Variants in NCS1 observed in about 807,000 individuals in gnomAD.
NCS1 encodes frequenin homolog.
A neutral mutation model predicts 28.4 loss-of-function variants in NCS1; 6 were observed. That is an observed-to-expected ratio of 0.21 (90% CI 0.12 to 0.42). The LOEUF is 0.42. NCS1 is among the 10% of genes least tolerant of loss of function. NCS1 has a pLI of 1.00. For synonymous variants in NCS1, 86 were observed against 99.3 expected, an observed-to-expected ratio of 0.87 and a Z score of 0.79; for missense variants, 131 against 241.4, an observed-to-expected ratio of 0.54 and a Z score of 3.03.
rs533972836 is a variant in NCS1 at position 130,179,055 on chromosome 9, C to T, written c.64+6328C>T. Among the ~76,000 whole-genome samples the T allele has an allele frequency of 2.6e-4, 39 of 151,158 alleles. No individual in the cohort carries two copies. In the South Asian group the frequency reaches 8.3e-3, roughly 32 times the overall value. ...GTTCAAGCAAATCTCCTGTCTCAGC[C>T]TCCCGAGTAGGGGATTACAGGCATC... On this transcript the variant is annotated intron_variant, in intron 1 of 7. Transcript: ENST00000372398.
intron 2 of NCS1, among the ~76,000 whole-genome samples, chr9:130,202,512 C>A (rs894960832): frequency 4.6e-5 from 7 of 151,912 alleles, no homozygotes; most frequent in Non-Finnish European, 1.0e-4. Context: ...CATGTTGTGT[C>A]CCTAGGGCCT....
chr9:130,221,653 A>C (rs1335978012), intron 4 of NCS1, among the ~76,000 whole-genome samples: 1 of 145,464 alleles, frequency 6.9e-6, no homozygotes, highest in Non-Finnish European at 1.5e-5. Context: ...GCTGTTCTCC[A>C]ACTCCTGACC....
In NCS1 at chr9:130,226,190, A is replaced by G. The variant is rs1244955120; in HGVS notation, c.475-199A>G. Among the ~76,000 whole-genome samples the G allele has an allele frequency of 6.6e-6, 1 of 152,224 alleles. No homozygotes were observed. The highest frequency in any genetic ancestry group is 2.4e-5 in the African/African-American group (1 of 41,456). ...TCCCCAGGTGAAGAAACATGCCCAGAGAGGTGGGCCACGGCCCAAGGCCAC... is the reference window on the plus strand; with the variant it reads ...TCCCCAGGTGAAGAAACATGCCCAGGGAGGTGGGCCACGGCCCAAGGCCAC... On this transcript the variant is annotated intron_variant, in intron 6 of 7. Coordinates refer to ENST00000372398, the MANE Select transcript of NCS1 (RefSeq NM_014286.4). The surrounding 1 kb of genome is among the most constrained non-coding windows in gnomAD (Gnocchi z 4.8).
At position 130,175,092 on chromosome 9, in the gene NCS1, G is replaced by T. The variant is rs1554904471; in HGVS notation, c.64+2365G>T. Among the ~76,000 whole-genome samples, 1 of 152,116 alleles carries T rather than the reference G, an allele frequency of 6.6e-6. No individual in the cohort carries two copies. The highest frequency in any genetic ancestry group is 1.5e-5 in the Non-Finnish European group (1 of 68,022). ...CCCTTATTAGGGGTGGGCCGTTGGA[G>T]GTGGCGGTGGGTTCATTGGCCTCCT... is the stretch of plus-strand genomic sequence containing the variant. On this transcript the variant is annotated intron_variant, in intron 1 of 7. Coordinates refer to ENST00000372398, the MANE Select transcript of NCS1 (RefSeq NM_014286.4). This position sits in a 1 kb window ranked among gnomAD's most constrained non-coding sequence, Gnocchi z 4.9.
intron 2 of NCS1, among the ~76,000 whole-genome samples, chr9:130,208,952 C>T (rs1454290058): frequency 6.6e-6 from 1 of 152,100 alleles, no homozygotes; most frequent in Non-Finnish European, 1.5e-5. Context: ...CTCAGACCCG[C>T]CGGCTTCTTG....
intron 1 of NCS1, among the ~76,000 whole-genome samples, 181 bp downstream of exon 1, chr9:130,172,908 G>A (rs1176590599): frequency 2.0e-5 from 3 of 150,564 alleles, no homozygotes; most frequent in Non-Finnish European, 4.4e-5. Context: ...CCCCCCGCCC[G>A]GCCCCATTGT....
At position 130,226,271 on chromosome 9, in the gene NCS1, C is replaced by T. The variant is rs1177205841; in HGVS notation, c.475-118C>T. The T allele has an allele frequency of 4.9e-6, 4 of 822,490 alleles. No homozygotes were observed. Among genetic ancestry groups the T allele is most frequent in the African/African-American group, 1.7e-5 (1 of 59,130 alleles). The allele number at this position is 822,490 out of a possible 1,614,324, so 50.9% of individuals were successfully genotyped here. ...CTGGCTGCTTGTAGGCCCTGAGCCACGTTGCCTCCCTCCTGATCTAACCTT... is the reference window on the plus strand; with the variant it reads ...CTGGCTGCTTGTAGGCCCTGAGCCATGTTGCCTCCCTCCTGATCTAACCTT... On this transcript the variant is annotated intron_variant, in intron 6 of 7. Coordinates refer to ENST00000372398, the MANE Select transcript of NCS1 (RefSeq NM_014286.4). This position sits in a 1 kb window ranked among gnomAD's most constrained non-coding sequence, Gnocchi z 4.8.
intron 1 of NCS1, among the ~76,000 whole-genome samples, chr9:130,184,657 T>C (rs1832716027): frequency 6.6e-6 from 1 of 152,082 alleles, no homozygotes; most frequent in Admixed American, 6.5e-5. Context: ...AGACAGAGTC[T>C]CGCTCTGTCA....
rs868989117 is a variant in NCS1 at position 130,186,196 on chromosome 9, C to A, written c.64+13469C>A. Among the ~76,000 whole-genome samples, 2 of 152,186 alleles carry A rather than the reference C, an allele frequency of 1.3e-5. No homozygotes were observed. The highest frequency in any genetic ancestry group is 4.1e-4 in the South Asian group (2 of 4,834). On this transcript the variant is annotated intron_variant, in intron 1 of 7. Transcript: ENST00000372398. This position sits in a 1 kb window ranked among gnomAD's most constrained non-coding sequence, Gnocchi z 4.1. Reference sequence around the variant, plus strand: ...GTGTTAGGCCCTGCGGATGCTGGGGCCACAGGGCAGGCTGGCTGGCTGGAT... The same window carrying A: ...GTGTTAGGCCCTGCGGATGCTGGGGACACAGGGCAGGCTGGCTGGCTGGAT...
At chr9:130,173,200 G>GT (rs1554904279) in intron 1 of NCS1, among the ~76,000 whole-genome samples, 5 of 66,932 alleles carry the variant, frequency 7.5e-5, no homozygotes, top group East Asian at 5.5e-4. Flanking sequence ...CCGTTCGTGT[G>GT]GGGGGGGGGG....
rs1403055223 is a variant in NCS1 at position 130,237,008 on chromosome 9, C to T, written c.*4036C>T. ...CGGTTTGGACTGCTGCTGCCTCCCA[C>T]CCGGAGCCTGCCACTTGGGGGAGAA... On this transcript the variant is annotated 3_prime_UTR_variant, in exon 8 of 8. Coordinates refer to ENST00000372398, the MANE Select transcript of NCS1 (RefSeq NM_014286.4). 1 of 152,298 alleles carries T rather than the reference C, an allele frequency of 6.6e-6. No individual in the cohort carries two copies. Among genetic ancestry groups the T allele is most frequent in the East Asian group, 1.9e-4 (1 of 5,194 alleles). 9.4% of individuals were successfully genotyped at this position (152,298 alleles called of 1,614,324 possible). A position where few individuals can be genotyped will look rare whatever the true frequency, so the allele number is the denominator to read the frequency against.
intron 2 of NCS1, among the ~76,000 whole-genome samples, chr9:130,213,770 G>T (rs914852038): frequency 6.6e-6 from 1 of 151,884 alleles, no homozygotes; most frequent in Non-Finnish European, 1.5e-5. Flanking sequence ...GTAGAGACAG[G>T]GTTTCACCAT....
intron 4 of NCS1, among the ~76,000 whole-genome samples, chr9:130,222,114 G>GTGTA: frequency 1.3e-5 from 1 of 76,176 alleles, no homozygotes; most frequent in Non-Finnish European, 2.8e-5. Context: ...ATATATATAC[G>GTGTA]TATATATATA....
intron 1 of NCS1, among the ~76,000 whole-genome samples, chr9:130,195,024 G>T (rs1832861441): frequency 6.6e-6 from 1 of 152,182 alleles, no homozygotes; most frequent in African/African-American, 2.4e-5. Flanking sequence ...CCTGGCCTCT[G>T]CAGGCTTAGT....
rs1554909607 is a variant in NCS1, at chr9:130,217,878, G to T, written c.136G>T (p.Ala46Ser). Residue 46 changes from alanine (A) to serine (S), a missense_variant, in exon 3 of 8, where the codon GCA (alanine) becomes TCA (serine). Coordinates refer to ENST00000372398, the MANE Select transcript of NCS1 (RefSeq NM_014286.4). ...CTGCCCCAGTGGGCAGCTGGATGCG[G>T]CAGGCTTCCAGAAGATCTACAAGCA... ...KDCPSGQLDA[A>S]GFQKIYKQFF... The T allele has an allele frequency of 2.5e-6, 4 of 1,614,110 alleles. No homozygotes were observed. The highest frequency in any genetic ancestry group is 1.7e-6 in the Non-Finnish European group (2 of 1,180,014).
At chr9:130,172,869 C>G in intron 1 of NCS1, 142 bp downstream of exon 1, 1 of 379,590 alleles carries the variant, frequency 2.6e-6, no homozygotes. Context: ...CAATGTGGAC[C>G]CCTCGGAGGT....
At chr9:130,216,789 G>T (rs1179784529) in intron 2 of NCS1, among the ~76,000 whole-genome samples, 1 of 151,930 alleles carries the variant, frequency 6.6e-6, no homozygotes, top group African/African-American at 2.4e-5. Context: ...AGTAAGGTGT[G>T]CAGAGTTCCC....
chr9:130,194,415 G>A (rs1163490258), intron 1 of NCS1, among the ~76,000 whole-genome samples: 3 of 152,032 alleles, frequency 2.0e-5, no homozygotes, highest in African/African-American at 4.8e-5. Flanking sequence ...GGGGTGCGGC[G>A]AAGGCTAGGA....
chr9:130,204,992 A>G (rs1833005543), intron 2 of NCS1, among the ~76,000 whole-genome samples: 1 of 151,934 alleles, frequency 6.6e-6, no homozygotes, highest in Non-Finnish European at 1.5e-5. Context: ...CGAGAACTGG[A>G]CAAAACCCCA....
Sources: gnomAD v4.1 joint callset for allele counts (sites outside exome capture counted in the v4.1 genomes callset) on GRCh38, gnomAD v4.1.1 for gene constraint, Gnocchi (gnomAD v3.1) non-coding constraint, MANE v1.5 for transcripts, NCBI Gene and HGNC (gene_info 2026-07-23, HGNC 2026-07-21) for gene names.